NCOR2: variants seen among roughly 807,000 people sequenced by gnomAD.
NCOR2 encodes the protein nuclear receptor corepressor 2, also known as CTG repeat protein 26.
A neutral mutation model predicts 262.9 loss-of-function variants in NCOR2; 81 were observed. That is an observed-to-expected ratio of 0.31 (90% confidence interval 0.26 to 0.37). NCOR2 has a LOEUF of 0.37. Ranked by LOEUF, NCOR2 falls within the 10% of genes least tolerant of loss-of-function variation. The pLI, the probability that NCOR2 is intolerant of heterozygous loss-of-function variation, is 1.00. For synonymous variants in NCOR2, 1,659 were observed against 1,559.3 expected (o/e 1.06, Z -1.51); for missense variants, 3,385 against 3,621.4 (o/e 0.93, Z 1.68).
At chr12:124,374,389 C>T (rs201324478) in intron 19 of NCOR2, 24 bp downstream of exon 21, 1 of 1,611,396 alleles carries the variant, frequency 6.2e-7, no homozygotes, top group Non-Finnish European at 8.5e-7. Context: ...CCCTACCCCC[C>T]AGGCCAGCCG....
chr12:124,400,075 C>T (rs546511839), intron 15 of NCOR2, among the ~76,000 whole-genome samples: 3 of 152,094 alleles, frequency 2.0e-5, no homozygotes, highest in East Asian at 3.9e-4. Context: ...CTGGGCCAAG[C>T]GTGGCCAGAT....
intron 1 of NCOR2, among the ~76,000 whole-genome samples, chr12:124,558,047 G>C (rs1170709362): frequency 6.6e-6 from 1 of 152,146 alleles, no homozygotes; most frequent in African/African-American, 2.4e-5. Flanking sequence ...TTCAGGAGCA[G>C]GGCTGGCACC....
chr12:124,453,393 C>A (rs540688525), intron 6 of NCOR2, among the ~76,000 whole-genome samples: 2 of 152,266 alleles, frequency 1.3e-5, no homozygotes, highest in East Asian at 3.9e-4. Flanking sequence ...AGGGGCGGCA[C>A]CCAGGAGGCC....
At chr12:124,484,898 G>C (rs565320881) in intron 2 of NCOR2, among the ~76,000 whole-genome samples, 1 of 152,342 alleles carries the variant, frequency 6.6e-6, no homozygotes, top group South Asian at 2.1e-4. Context: ...TTCAATCAGT[G>C]CCTGTAGACT....
intron 20 of NCOR2, among the ~76,000 whole-genome samples, chr12:124,368,096 T>C (rs2039186758): frequency 6.6e-6 from 1 of 152,226 alleles, no homozygotes; most frequent in South Asian, 2.1e-4. Flanking sequence ...ATCCCCTCTC[T>C]GACCATGTGA....
intron 1 of NCOR2, among the ~76,000 whole-genome samples, chr12:124,534,060 G>C (rs2050992997): frequency 6.6e-6 from 1 of 151,978 alleles, no homozygotes; most frequent in Admixed American, 6.6e-5. Context: ...GTAGCCGACG[G>C]TTCCCAGGCT....
chr12:124,519,643 C>T (rs2137077482), intron 1 of NCOR2, among the ~76,000 whole-genome samples: 1 of 152,268 alleles, frequency 6.6e-6, no homozygotes, highest in African/African-American at 2.4e-5. Context: ...TGGGCCTGGC[C>T]TTCAACTCCA....
rs138825568 is a variant in NCOR2 at position 124,474,224 on chromosome 12, AAC to A, written c.412-1095_412-1094del. Among the ~76,000 whole-genome samples, 1,403 of 152,366 alleles carry A rather than the reference AAC, an allele frequency of 9.2e-3. 18 individuals carry two copies. Among genetic ancestry groups the A allele is most frequent in the African/African-American group, 0.03 (1,267 of 41,590 alleles). ...ACGCAAGTTCCAGAACCATGCAGCC[AAC>A]ACACACGTGGCTTTGCAGAAAACAT... is the stretch of plus-strand genomic sequence containing the variant. On this transcript the variant is annotated intron_variant, in intron 3 of 46. Coordinates refer to ENST00000405201, the Ensembl canonical transcript of NCOR2.
chr12:124,417,207 C>CAGGCCGGACACTCACTCCACGGAG (rs2042946413), intron 13 of NCOR2, among the ~76,000 whole-genome samples: 1 of 33,004 alleles, frequency 3.0e-5, no homozygotes, highest in African/African-American at 6.5e-5. Flanking sequence ...ACTCCACGGA[C>CAGGCCGGACACTCACTCCACGGAG]AGCAGGCCGG....
chr12:124,461,054 A>G (rs1349030628), intron 5 of NCOR2, among the ~76,000 whole-genome samples: 1 of 152,248 alleles, frequency 6.6e-6, no homozygotes, highest in African/African-American at 2.4e-5. Flanking sequence ...CTCCGGCCCA[A>G]AGGAGGGCTT....
At chr12:124,539,972 A>G (rs1417007371), upstream of NCOR2, among the ~76,000 whole-genome samples, 1 of 152,116 alleles carries the variant, frequency 6.6e-6, no homozygotes, top group Non-Finnish European at 1.5e-5. The surrounding 1 kb of genome is among the most constrained non-coding windows in gnomAD (Gnocchi z 5.1). Context: ...ACCCAGAGGC[A>G]GCTTCGACCT....
intron 13 of NCOR2, among the ~76,000 whole-genome samples, chr12:124,410,743 C>T (rs2042531789): frequency 6.6e-6 from 1 of 152,200 alleles, no homozygotes. Flanking sequence ...GCCCTGAATA[C>T]CAACACCCAC....
chr12:124,335,066 C>G, intron 40 of NCOR2, 69 bp downstream of exon 42: 1 of 1,608,792 alleles, frequency 6.2e-7, no homozygotes, highest in Non-Finnish European at 8.5e-7. Flanking sequence ...TGGGGTTCCC[C>G]ATCCCCTCTC....
chr12:124,348,456 TC>T, intron 28 of NCOR2, 142 bp from the exon 31 acceptor site: 1 of 1,174,450 alleles, frequency 8.5e-7, no homozygotes, highest in Non-Finnish European at 1.2e-6. Flanking sequence ...AGCCGAGGCC[TC>T]CAGAGGGAGC....
intron 41 of NCOR2, among the ~76,000 whole-genome samples, chr12:124,333,869 C>T (rs1200584016): frequency 4.2e-5 from 4 of 94,404 alleles, no homozygotes; most frequent in African/African-American, 7.8e-5. Flanking sequence ...TGTGTGTGCG[C>T]ATGTGTGCGG....
intron 42 of NCOR2, 151 bp from the exon 45 acceptor site, chr12:124,332,618 C>T (rs1368129847): frequency 1.7e-5 from 18 of 1,038,662 alleles, no homozygotes; most frequent in Middle Eastern, 2.4e-4. Context: ...TAGAAGATCA[C>T]GGCTCCTGAA....
intron 13 of NCOR2, among the ~76,000 whole-genome samples, chr12:124,417,787 A>T (rs2136283395): frequency 6.6e-6 from 1 of 152,332 alleles, no homozygotes; most frequent in East Asian, 1.9e-4. Flanking sequence ...GCGGCTGAGC[A>T]CAGTGGCTCA....
At chr12:124,430,728 C>T (rs1023715542) in exon 9 of NCOR2, 2 of 1,614,172 alleles carry the variant, frequency 1.2e-6, no homozygotes, top group Non-Finnish European at 1.7e-6. Context: ...TCTCGATGCG[C>T]TCCACCTTCT....
At chr12:124,425,429 T>G (rs2043477479) in intron 11 of NCOR2, among the ~76,000 whole-genome samples, 1 of 152,166 alleles carries the variant, frequency 6.6e-6, no homozygotes, top group African/African-American at 2.4e-5. Flanking sequence ...TTTTGTGATT[T>G]TTTTTTTAGC....
Sources: gnomAD v4.1 joint callset for allele counts (sites outside exome capture counted in the v4.1 genomes callset) on GRCh38, gnomAD v4.1.1 for gene constraint, Gnocchi (gnomAD v3.1) non-coding constraint, MANE v1.5 for transcripts, NCBI Gene and HGNC (gene_info 2026-07-23, HGNC 2026-07-21) for gene names.